The following MGRN1 variants were observed in gnomAD, a reference collection of about 807,000 sequenced individuals.
The protein encoded by MGRN1 is E3 ubiquitin-protein ligase MGRN1.
MGRN1 carries 29 observed loss-of-function variants against 69.2 expected under a neutral mutation model. The observed-to-expected ratio is 0.42, with a 90% CI of 0.31 to 0.57. The LOEUF (loss-of-function observed/expected upper bound fraction) is 0.57, where lower values mean the gene tolerates loss of function less well. Among genes scored for constraint, MGRN1 ranks in the 20% least tolerant of loss-of-function variants. MGRN1 has a pLI of 0.15. For missense variants in MGRN1, 998 were observed against 796.2 expected (o/e 1.25, Z -3.05); for synonymous variants, 470 against 344.2 (o/e 1.37, Z -4.04).
chr16:4,624,833 C>G lies in MGRN1; in HGVS notation c.-128C>G, dbSNP rs1222312006. ...CCGGGCCGAGCCGGGGGTGGGGGCT[C>G]GAGGCGCCTCCGCGGCCGTGGACGA... On this transcript the variant is annotated 5_prime_UTR_variant, in exon 1 of 17. Transcript: ENST00000262370. 3 of 696,296 alleles carry G rather than the reference C, an allele frequency of 4.3e-6. No homozygotes were observed. In the Admixed American group the frequency reaches 1.4e-4, roughly 32 times the overall value. The allele number at this position is 696,296 out of a possible 1,614,324, so 43.1% of individuals were successfully genotyped here. A position where few individuals can be genotyped will look rare whatever the true frequency, so the allele number is the denominator to read the frequency against.
At chr16:4,644,794 T>A (rs2078240311) in intron 1 of MGRN1, among the ~76,000 whole-genome samples, 1 of 152,182 alleles carries the variant, frequency 6.6e-6, no homozygotes, top group Non-Finnish European at 1.5e-5. Context: ...TGAGGTAAAA[T>A]TCACTTACCA....
intron 5 of MGRN1, among the ~76,000 whole-genome samples, chr16:4,661,107 A>G (rs2078670272): frequency 6.6e-6 from 1 of 151,024 alleles, no homozygotes; most frequent in African/African-American, 2.4e-5. Context: ...CAACTTTCAC[A>G]GTAGCTGGGA....
intron 1 of MGRN1, among the ~76,000 whole-genome samples, chr16:4,646,660 C>G (rs533016349): frequency 6.6e-6 from 1 of 152,340 alleles, no homozygotes; most frequent in Admixed American, 6.5e-5. Context: ...CTGTGGTCAT[C>G]ATTTCATGCG....
At chr16:4,633,331 G>C (rs145416814) in intron 1 of MGRN1, among the ~76,000 whole-genome samples, 2 of 152,054 alleles carry the variant, frequency 1.3e-5, no homozygotes, top group African/African-American at 4.8e-5. Flanking sequence ...AGAGCTTGCA[G>C]TGAGCTGAGA....
intron 8 of MGRN1, among the ~76,000 whole-genome samples, chr16:4,670,082 C>T (rs1320005971): frequency 6.6e-6 from 1 of 151,982 alleles, no homozygotes; most frequent in African/African-American, 2.4e-5. Flanking sequence ...TTTATTGAGA[C>T]AAGACAGAGT....
At chr16:4,680,222 T>C (rs368769507) in intron 12 of MGRN1, 125 bp downstream of exon 12, 1 of 949,710 alleles carries the variant, frequency 1.1e-6, no homozygotes. Context: ...CAGCTCCACT[T>C]GCCCAGTCCC....
At chr16:4,650,187 C>T in intron 1 of MGRN1, 178 bp from the exon 2 acceptor site, 2 of 519,986 alleles carry the variant, frequency 3.8e-6, no homozygotes, top group Non-Finnish European at 6.9e-6. Flanking sequence ...CCGGTAATCC[C>T]AGCTACTCGG....
rs553748697 is a variant in MGRN1 at position 4,674,563 on chromosome 16, A to G, written c.955+906A>G. Among the ~76,000 whole-genome samples, 20 of 147,524 alleles carry G rather than the reference A, an allele frequency of 1.4e-4. No homozygotes were observed. In the East Asian group the frequency reaches 4.0e-3, roughly 29 times the overall value. On this transcript the variant is annotated intron_variant, in intron 10 of 16. Transcript: ENST00000262370. ...GGGCCTCCCAAAGTGCTGGAATTAC[A>G]AGCGTGAGCCACCGCTTTTTTTTTT...
At position 4,683,277 on chromosome 16, in the gene MGRN1, C is replaced by A. The variant is rs1248850465; in HGVS notation, c.1528+8C>A. Reference sequence around the variant, plus strand: ...CGTCGTCACCACAGCAAGGTGAGCGCCTCCTTCCATGGGCACAAACCGCAT... The same window carrying A: ...CGTCGTCACCACAGCAAGGTGAGCGACTCCTTCCATGGGCACAAACCGCAT... On this transcript the variant is annotated splice_region_variant and intron_variant, in intron 15 of 16. Coordinates refer to ENST00000262370, the MANE Select transcript of MGRN1 (RefSeq NM_015246.4). The A allele has an allele frequency of 1.9e-6, 3 of 1,613,552 alleles. No homozygotes were observed.
chr16:4,629,191 TGA>T (rs1491326445), intron 1 of MGRN1, among the ~76,000 whole-genome samples: 2 of 148,916 alleles, frequency 1.3e-5, no homozygotes, highest in African/African-American at 5.0e-5. Flanking sequence ...TGTGTGTGTG[TGA>T]AAAGTGTCTA....
intron 16 of MGRN1, among the ~76,000 whole-genome samples, chr16:4,684,578 G>T (rs145083640): frequency 6.6e-6 from 1 of 152,266 alleles, no homozygotes; most frequent in African/African-American, 2.4e-5. Context: ...GGAACAGCAA[G>T]GCAGCAAGGC....
intron 1 of MGRN1, among the ~76,000 whole-genome samples, chr16:4,625,502 T>A (rs1897629360): frequency 6.6e-6 from 1 of 152,144 alleles, no homozygotes; most frequent in Non-Finnish European, 1.5e-5. Context: ...TTGGGCAATT[T>A]CCCTCCCATC....
chr16:4,662,054 G>C, intron 5 of MGRN1, among the ~76,000 whole-genome samples: 1 of 152,142 alleles, frequency 6.6e-6, no homozygotes, highest in Non-Finnish European at 1.5e-5. Flanking sequence ...TAGCCTCCCT[G>C]GTTCGCAGTC....
Position 4,687,840 on chromosome 16 carries a change from G to A in MGRN1, c.1619-956G>A, listed in dbSNP as rs138502338. ...GGAGAACTTCGCTTCTTTTGACTGC[G>A]CTCTGCATTCCCATGAACCTCTGTC... On this transcript the variant is annotated intron_variant, in intron 16 of 16. Coordinates refer to ENST00000262370, the MANE Select transcript of MGRN1 (RefSeq NM_015246.4). 5.1e-3 allele frequency: 5,065 copies of A among 985,450 alleles called. 7 individuals carry two copies. Among genetic ancestry groups the A allele is most frequent in the Admixed American group, 7.2e-3 (118 of 16,284 alleles). 61.0% of individuals were successfully genotyped at this position (985,450 alleles called of 1,614,324 possible).
At chr16:4,673,372 G>T in intron 9 of MGRN1, 126 bp from the exon 10 acceptor site, 1 of 1,297,524 alleles carries the variant, frequency 7.7e-7, no homozygotes, top group South Asian at 1.4e-5. Flanking sequence ...CCTCCCCTCT[G>T]GACTTCTCTT....
At chr16:4,638,347 C>G (rs2078078143) in intron 1 of MGRN1, among the ~76,000 whole-genome samples, 1 of 152,080 alleles carries the variant, frequency 6.6e-6, no homozygotes, top group South Asian at 2.1e-4. Context: ...TGCCTGTAAT[C>G]TCAGCTATTT....
At position 4,680,029 on chromosome 16, in the gene MGRN1, C is replaced by T. The variant is rs1344839482; in HGVS notation, c.1066-3C>T. ...GTAAAACATATGATTTTTATCTTGACAGTGTCCCTTTAAAAAATCAAAGCC... is the reference window on the plus strand; with the variant it reads ...GTAAAACATATGATTTTTATCTTGATAGTGTCCCTTTAAAAAATCAAAGCC... On this transcript the variant is annotated splice_region_variant and splice_polypyrimidine_tract_variant and intron_variant, in intron 11 of 16. Coordinates refer to ENST00000262370, the MANE Select transcript of MGRN1 (RefSeq NM_015246.4). 6.2e-7 allele frequency: 1 copy of T among 1,613,802 alleles called. No individual in the cohort carries two copies. Among genetic ancestry groups the T allele is most frequent in the East Asian group, 2.2e-5 (1 of 44,872 alleles).
At chr16:4,644,749 A>G (rs2078239487) in intron 1 of MGRN1, among the ~76,000 whole-genome samples, 1 of 152,236 alleles carries the variant, frequency 6.6e-6, no homozygotes, top group South Asian at 2.1e-4. Context: ...ATGATTCATC[A>G]CCTCACAACT....
At chr16:4,675,977 T>C (rs545268321) in intron 10 of MGRN1, among the ~76,000 whole-genome samples, 24 of 152,324 alleles carry the variant, frequency 1.6e-4, no homozygotes, top group African/African-American at 5.3e-4. Flanking sequence ...CTGGGATCCC[T>C]GGCCTGGGTC....
Sources: gnomAD v4.1 joint callset for allele counts (sites outside exome capture counted in the v4.1 genomes callset) on GRCh38, gnomAD v4.1.1 for gene constraint, MANE v1.5 for transcripts, NCBI Gene and HGNC (gene_info 2026-07-23, HGNC 2026-07-21) for gene names.